STK3: variants seen among roughly 807,000 people sequenced by gnomAD.
STK3 encodes the protein serine/threonine kinase 3, also known as serine/threonine-protein kinase 3.
A neutral mutation model predicts 58.0 loss-of-function variants in STK3; 41 were observed. The observed-to-expected ratio is 0.71, with a 90% CI of 0.55 to 0.92. The LOEUF (loss-of-function observed/expected upper bound fraction) is 0.92. STK3 is among the 40% of genes least tolerant of loss of function. The pLI, the probability that STK3 is intolerant of heterozygous loss-of-function variation, is 0.00. For missense variants in STK3, 479 were observed against 602.7 expected, an observed-to-expected ratio of 0.79 and a Z score of 2.15; for synonymous variants, 170 against 191.0, an observed-to-expected ratio of 0.89 and a Z score of 0.91.
At chr8:98,741,480 T>C (rs1453811508) in intron 4 of STK3, among the ~76,000 whole-genome samples, 2 of 152,158 alleles carry the variant, frequency 1.3e-5, no homozygotes, top group Non-Finnish European at 2.9e-5. Flanking sequence ...CTGAACAACC[T>C]GCTCCTGAAT....
At chr8:98,509,125 C>T (rs532468208) in intron 10 of STK3, among the ~76,000 whole-genome samples, 1 of 152,084 alleles carries the variant, frequency 6.6e-6, no homozygotes, top group South Asian at 2.1e-4. Context: ...TGAAAGGGAG[C>T]TTGCAGAAGG....
At chr8:98,511,512 A>C (rs926154927) in intron 10 of STK3, among the ~76,000 whole-genome samples, 10 of 152,148 alleles carry the variant, frequency 6.6e-5, no homozygotes, top group African/African-American at 2.4e-4. Flanking sequence ...CAAGAAGCTA[A>C]ATATATTAAG....
intron 3 of STK3, among the ~76,000 whole-genome samples, chr8:98,756,955 C>G (rs1287115383): frequency 2.0e-5 from 3 of 152,190 alleles, no homozygotes; most frequent in Non-Finnish European, 4.4e-5. Context: ...AATCCTAAAC[C>G]TGTTTACCCT....
At chr8:98,737,503 C>A (rs531693307) in intron 4 of STK3, among the ~76,000 whole-genome samples, 120 of 152,172 alleles carry the variant, frequency 7.9e-4, no homozygotes, top group African/African-American at 2.8e-3. Context: ...AAGCAAATGA[C>A]TAATTAGTAA....
At chr8:98,650,182 CTCT>C in intron 6 of STK3, among the ~76,000 whole-genome samples, 1 of 152,220 alleles carries the variant, frequency 6.6e-6, no homozygotes, top group South Asian at 2.1e-4. Context: ...TGTATTTTTC[CTCT>C]TCTTTTCTAA....
At chr8:98,873,916 T>A (rs1837470377) in intron 3 of STK3, among the ~76,000 whole-genome samples, 1 of 152,246 alleles carries the variant, frequency 6.6e-6, no homozygotes, top group Non-Finnish European at 1.5e-5. Flanking sequence ...GCCCATTAGT[T>A]GATGCAGTTT....
At chr8:98,400,364 G>A (rs969888760), downstream of STK3, among the ~76,000 whole-genome samples, 2 of 152,216 alleles carry the variant, frequency 1.3e-5, no homozygotes, top group Non-Finnish European at 2.9e-5. Flanking sequence ...GTGTCACCAC[G>A]AGGGAACACA....
chr8:98,365,714 G>T, the STK3 span, among the ~76,000 whole-genome samples: 1 of 150,266 alleles, frequency 6.7e-6, no homozygotes, highest in Non-Finnish European at 1.5e-5. Flanking sequence ...CACCACACAT[G>T]AATGTATTGA....
At chr8:98,730,152 AT>A (rs1430262770) in intron 4 of STK3, among the ~76,000 whole-genome samples, 2 of 152,220 alleles carry the variant, frequency 1.3e-5, no homozygotes, top group African/African-American at 4.8e-5. Context: ...AACAGTGAGA[AT>A]TTACCAAGCA....
intron 2 of STK3, among the ~76,000 whole-genome samples, chr8:98,769,123 C>T (rs979922382): frequency 1.3e-5 from 2 of 152,226 alleles, no homozygotes; most frequent in Non-Finnish European, 2.9e-5. Context: ...CTATAGAGTA[C>T]ATACAGTAGC....
intron 4 of STK3, among the ~76,000 whole-genome samples, chr8:98,742,845 C>T (rs999730102): frequency 3.3e-5 from 5 of 151,898 alleles, no homozygotes; most frequent in African/African-American, 1.2e-4. Context: ...TGTCTTAGCC[C>T]AAAATCTCCT....
At chr8:98,745,403 C>T (rs1829574853) in intron 4 of STK3, among the ~76,000 whole-genome samples, 2 of 152,032 alleles carry the variant, frequency 1.3e-5, no homozygotes, top group South Asian at 4.1e-4. Context: ...AATAACAAAA[C>T]TTGTACTATT....
intron 1 of STK3, chr8:98,904,829 A>G: frequency 1.5e-6 from 1 of 662,410 alleles, no homozygotes; most frequent in South Asian, 1.4e-5. Context: ...CAGCACAAGA[A>G]CTTGGCAATA....
chr8:98,765,630 G>T (rs1241932757), intron 3 of STK3, among the ~76,000 whole-genome samples: 1 of 152,152 alleles, frequency 6.6e-6, no homozygotes, highest in Non-Finnish European at 1.5e-5. Context: ...TCTTCCTCCT[G>T]CCTGGAATGT....
At chr8:98,809,412 C>A (rs1834084172) in intron 1 of STK3, among the ~76,000 whole-genome samples, 1 of 152,156 alleles carries the variant, frequency 6.6e-6, no homozygotes, top group Non-Finnish European at 1.5e-5. Flanking sequence ...AGGGAGAAAA[C>A]CCCATGTATT....
chr8:98,915,125 G>A (rs1200686160), intron 1 of STK3, among the ~76,000 whole-genome samples: 1 of 152,028 alleles, frequency 6.6e-6, no homozygotes, highest in African/African-American at 2.4e-5. Flanking sequence ...ATTGATCCTG[G>A]GTGTGTCTGT....
intron 6 of STK3, among the ~76,000 whole-genome samples, chr8:98,610,984 C>T (rs536505579): frequency 3.9e-5 from 6 of 152,220 alleles, no homozygotes; most frequent in African/African-American, 1.4e-4. Flanking sequence ...ATAAAGAACA[C>T]ATCATTCAAA....
At chr8:98,900,585 A>G (rs1417347162) in intron 1 of STK3, among the ~76,000 whole-genome samples, 2 of 151,886 alleles carry the variant, frequency 1.3e-5, no homozygotes, top group Non-Finnish European at 2.9e-5. Flanking sequence ...TACATTACAC[A>G]TAGTTTTTTG....
chr8:98,818,247 T>C (rs908124591), intron 1 of STK3, among the ~76,000 whole-genome samples: 5 of 152,250 alleles, frequency 3.3e-5, no homozygotes, highest in Non-Finnish European at 7.3e-5. Context: ...ATATCTTTCA[T>C]AGCTCAAGCT....
Sources: allele counts gnomAD v4.1 joint callset (sites outside exome capture counted in the v4.1 genomes callset), GRCh38; gene constraint gnomAD v4.1.1; transcripts MANE v1.5; gene names NCBI Gene and HGNC (gene_info 2026-07-23, HGNC 2026-07-21).